TBC1D19: variants seen among roughly 807,000 people sequenced by gnomAD.
The protein encoded by TBC1D19 is TBC1 domain family member 19.
Under a neutral mutation model 89.0 loss-of-function variants are expected in TBC1D19, and 60 were observed. The ratio of observed to expected loss-of-function variants is 0.67; its 90% CI spans 0.55 to 0.84. The LOEUF (loss-of-function observed/expected upper bound fraction) is 0.84. Ranked by LOEUF, TBC1D19 falls within the 40% of genes least tolerant of loss-of-function variation. The probability of loss-of-function intolerance (pLI) is 0.00; values close to 1 mark genes in which losing one functional copy is unlikely to be tolerated. For missense variants in TBC1D19, 500 were observed against 610.8 expected, an observed-to-expected ratio of 0.82 and a Z score of 1.91; for synonymous variants, 189 against 199.7, an observed-to-expected ratio of 0.95 and a Z score of 0.45.
the TBC1D19 span, among the ~76,000 whole-genome samples, chr4:26,824,401 T>C: frequency 6.6e-6 from 1 of 152,218 alleles, no homozygotes; most frequent in African/African-American, 2.4e-5. Flanking sequence ...CAGTAATATA[T>C]TTCTCTCTAT....
chr4:26,744,857 A>G (rs1187208706), intron 18 of TBC1D19, among the ~76,000 whole-genome samples: 2 of 152,170 alleles, frequency 1.3e-5, no homozygotes, highest in African/African-American at 4.8e-5. Context: ...GCAGAATGTC[A>G]TATAAATGTC....
At chr4:26,707,308 C>T (rs1402413972) in intron 13 of TBC1D19, among the ~76,000 whole-genome samples, 1 of 151,894 alleles carries the variant, frequency 6.6e-6, no homozygotes, top group African/African-American at 2.4e-5. Context: ...TCTCCCATAA[C>T]CTCTTTTATT....
intron 8 of TBC1D19, 94 bp downstream of exon 8, chr4:26,659,801 T>C: frequency 1.5e-6 from 1 of 647,220 alleles, no homozygotes; most frequent in South Asian, 3.4e-5. Context: ...TAGGGTAATC[T>C]ACTCATTAAA....
At chr4:26,732,072 G>T (rs1044147247) in intron 15 of TBC1D19, among the ~76,000 whole-genome samples, 1 of 151,956 alleles carries the variant, frequency 6.6e-6, no homozygotes, top group Non-Finnish European at 1.5e-5. Flanking sequence ...ATTATTATGT[G>T]TAAGAATATT....
At chr4:26,786,851 G>GA in the TBC1D19 span, among the ~76,000 whole-genome samples, 11 of 152,046 alleles carry the variant, frequency 7.2e-5, no homozygotes, top group Non-Finnish European at 1.3e-4. Context: ...GCCGGTTGAT[G>GA]AATGGGTGGG....
chr4:26,641,353 A>G (rs554766873), intron 7 of TBC1D19, among the ~76,000 whole-genome samples: 23 of 152,370 alleles, frequency 1.5e-4, no homozygotes, highest in African/African-American at 4.3e-4. Context: ...TAGAAGGAAA[A>G]CTAACAAACA....
At chr4:26,753,765 C>A in intron 19 of TBC1D19, 55 bp from the exon 20 acceptor site, 5 of 1,600,174 alleles carry the variant, frequency 3.1e-6, no homozygotes, top group Non-Finnish European at 3.4e-6. Flanking sequence ...ATAGCAGTAA[C>A]CGTGCCGGGC....
In TBC1D19 at chr4:26,712,789, A is replaced by G. The variant is rs1423808116; in HGVS notation, c.955-5144A>G. ...TACAAAGAGACCAAACATGAGAAGG[A>G]GCAACCTGCTTTCATGGCAGCTAGT... On this transcript the variant is annotated intron_variant, in intron 13 of 20. Coordinates refer to ENST00000264866, the MANE Select transcript of TBC1D19 (RefSeq NM_018317.4). Among the ~76,000 whole-genome samples, 5 of 152,074 alleles carry G rather than the reference A, an allele frequency of 3.3e-5. No individual in the cohort carries two copies. In the East Asian group the frequency reaches 9.7e-4, roughly 29 times the overall value.
At chr4:26,693,879 A>C (rs1038212634) in intron 13 of TBC1D19, among the ~76,000 whole-genome samples, 1 of 152,226 alleles carries the variant, frequency 6.6e-6, no homozygotes, top group Non-Finnish European at 1.5e-5. Flanking sequence ...GAGAAGAATC[A>C]GTGAACTTGG....
At chr4:26,585,434 T>A (rs1448324455) in intron 1 of TBC1D19, among the ~76,000 whole-genome samples, 1 of 152,184 alleles carries the variant, frequency 6.6e-6, no homozygotes, top group African/African-American at 2.4e-5. Flanking sequence ...CTTATGTGCT[T>A]ATATCTTTTT....
Position 26,726,866 on chromosome 4 carries a change from T to C in TBC1D19, c.1084+6741T>C, listed in dbSNP as rs537053594. Among the ~76,000 whole-genome samples, 5 of 152,318 alleles carry C rather than the reference T, an allele frequency of 3.3e-5. No individual in the cohort carries two copies. The South Asian group carries it at 8.3e-4, about 25-fold the overall frequency. On this transcript the variant is annotated intron_variant, in intron 15 of 20. Coordinates refer to ENST00000264866, the MANE Select transcript of TBC1D19 (RefSeq NM_018317.4). ...CAAAGCATGTTAATATTTGGGGTAT[T>C]TTCTGAGTCATATTTACTATTTATA...
the TBC1D19 span, among the ~76,000 whole-genome samples, chr4:26,783,556 G>A: frequency 2.0e-5 from 3 of 147,998 alleles, no homozygotes; most frequent in East Asian, 5.9e-4. Context: ...AAGATAAAAA[G>A]CACATTTTTT....
At chr4:26,853,569 G>C in the TBC1D19 span, among the ~76,000 whole-genome samples, 1 of 151,614 alleles carries the variant, frequency 6.6e-6, no homozygotes, top group African/African-American at 2.4e-5. Context: ...ACAGAGTCTC[G>C]CTCCGTCGCC....
At chr4:26,657,729 A>T (rs1191922724) in intron 7 of TBC1D19, among the ~76,000 whole-genome samples, 55 of 152,262 alleles carry the variant, frequency 3.6e-4, no homozygotes, top group African/African-American at 9.6e-4. Flanking sequence ...CTATTTCTCC[A>T]CATCCTCTCC....
the TBC1D19 span, among the ~76,000 whole-genome samples, chr4:26,778,265 A>T: frequency 6.6e-6 from 1 of 151,950 alleles, no homozygotes; most frequent in Non-Finnish European, 1.5e-5. Context: ...AAATAGAAAA[A>T]ATTAGCCAGG....
At chr4:26,599,349 C>T (rs915424484) in intron 1 of TBC1D19, among the ~76,000 whole-genome samples, 2 of 152,124 alleles carry the variant, frequency 1.3e-5, no homozygotes, top group African/African-American at 4.8e-5. Context: ...TTTCCTGCCA[C>T]CAGCATCTTC....
intron 10 of TBC1D19, among the ~76,000 whole-genome samples, chr4:26,672,718 A>G (rs1485934492): frequency 2.6e-5 from 4 of 151,946 alleles, no homozygotes; most frequent in East Asian, 1.9e-4. Flanking sequence ...TGTCTTTGAG[A>G]TATGAAGTAC....
At chr4:26,668,355 T>G (rs1711996059) in intron 9 of TBC1D19, among the ~76,000 whole-genome samples, 1 of 152,016 alleles carries the variant, frequency 6.6e-6, no homozygotes. Flanking sequence ...TATACTGTAT[T>G]TTTAAACTAC....
intron 13 of TBC1D19, among the ~76,000 whole-genome samples, chr4:26,704,066 A>T (rs1715546110): frequency 6.6e-6 from 1 of 152,170 alleles, no homozygotes; most frequent in South Asian, 2.1e-4. Flanking sequence ...TTTACAGGCA[A>T]CAATGCTGAA....
Sources: allele counts gnomAD v4.1 joint callset (sites outside exome capture counted in the v4.1 genomes callset), GRCh38; gene constraint gnomAD v4.1.1; transcripts MANE v1.5; gene names NCBI Gene and HGNC (gene_info 2026-07-23, HGNC 2026-07-21).